YJU2B: variants seen among roughly 807,000 people sequenced by gnomAD.
The protein encoded by YJU2B is probable splicing factor YJU2B.
In YJU2B, 18 loss-of-function variants were observed where a neutral mutation model predicts 38.0. That is an observed-to-expected ratio of 0.47 (90% CI 0.33 to 0.70). The LOEUF (loss-of-function observed/expected upper bound fraction) is 0.70. Ranked by LOEUF, YJU2B falls within the 30% of genes least tolerant of loss-of-function variation. The pLI, the probability that YJU2B is intolerant of heterozygous loss-of-function variation, is 0.02. For synonymous variants in YJU2B, 246 were observed against 225.4 expected, an observed-to-expected ratio of 1.09 and a Z score of -0.82; for missense variants, 538 against 556.3, an observed-to-expected ratio of 0.97 and a Z score of 0.33.
intron 4 of YJU2B, 50 bp from the exon 5 acceptor site, chr19:13,757,368 G>A: frequency 6.5e-7 from 1 of 1,541,160 alleles, no homozygotes; most frequent in Non-Finnish European, 9.0e-7. Context: ...TGGAGACCCA[G>A]GGAGTGTCCA....
chr19:13,740,019 G>T (rs1973051853), intron 2 of YJU2B, among the ~76,000 whole-genome samples: 1 of 152,034 alleles, frequency 6.6e-6, no homozygotes, highest in Non-Finnish European at 1.5e-5. Context: ...TATGTTTACT[G>T]CATTACTATT....
chr19:13,748,918 A>C (rs1973350914), intron 1 of YJU2B, among the ~76,000 whole-genome samples: 2 of 152,200 alleles, frequency 1.3e-5, no homozygotes, highest in Non-Finnish European at 2.9e-5. Context: ...GTGAGGGTAG[A>C]ACAGTTTATA....
At position 13,758,899 on chromosome 19, in the gene YJU2B, T is replaced by A. The variant is rs115218936; in HGVS notation, c.289T>A (p.Tyr97Asn). 6.2e-7 allele frequency: 1 copy of A among 1,613,852 alleles called. No homozygotes were observed. Among genetic ancestry groups the A allele is most frequent in the South Asian group, 1.1e-5 (1 of 91,060 alleles). Residue 97 changes from tyrosine (Y) to asparagine (N), a missense_variant, in exon 7 of 10, where the codon TAC (tyrosine) becomes AAC (asparagine). This residue lies in a region of YJU2B where 488 missense variants were observed against 469.5 expected (regional missense o/e 1.04). Transcript: ENST00000221554. ...GATGAAATGCCACCTCTGTGTCAACTACATCGAGATGCAGACGGACCCCGC... is the reference window on the plus strand; with the variant it reads ...GATGAAATGCCACCTCTGTGTCAACAACATCGAGATGCAGACGGACCCCGC... Reference protein sequence around the residue: ...FRMKCHLCVNYIEMQTDPANC... With the variant: ...FRMKCHLCVNNIEMQTDPANC...
rs1054153456 is a variant in YJU2B at position 13,732,748 on chromosome 19, A to G, written c.-202+463A>G. Reference sequence around the variant, plus strand: ...CCTTAGCCTCCCAGTAGCTGGGACTACAGGCATGCACCACCACACTCAGCT... The same window carrying G: ...CCTTAGCCTCCCAGTAGCTGGGACTGCAGGCATGCACCACCACACTCAGCT... On this transcript the variant is annotated intron_variant, in intron 2 of 10. Coordinates refer to the YJU2B transcript ENST00000586600. The G allele has an allele frequency of 4.0e-5, 6 of 148,866 alleles. No individual in the cohort carries two copies. In the East Asian group the frequency reaches 1.2e-3, roughly 30 times the overall value. 9.2% of individuals were successfully genotyped at this position (148,866 alleles called of 1,614,324 possible). A position where few individuals can be genotyped will look rare whatever the true frequency, so the allele number is the denominator to read the frequency against.
intron 2 of YJU2B, among the ~76,000 whole-genome samples, chr19:13,736,994 T>G (rs963747156): frequency 7.3e-6 from 1 of 136,816 alleles, no homozygotes; most frequent in Non-Finnish European, 1.5e-5. Flanking sequence ...GCCACTGTGC[T>G]CCAGCCTGAG....
chr19:13,755,020 C>A (rs2145146561), intron 3 of YJU2B, among the ~76,000 whole-genome samples: 1 of 152,138 alleles, frequency 6.6e-6, no homozygotes. Context: ...AATGAGCTGA[C>A]CTCACAGAAT....
intron 8 of YJU2B, among the ~76,000 whole-genome samples, chr19:13,760,172 C>T (rs982319945): frequency 1.3e-5 from 2 of 151,958 alleles, no homozygotes; most frequent in African/African-American, 2.4e-5. Context: ...AGTGATCCAC[C>T]GTGGCCTACC....
intron 8 of YJU2B, chr19:13,761,715 T>TA (rs1325299862): frequency 1.4e-5 from 2 of 140,142 alleles, no homozygotes; most frequent in Admixed American, 7.4e-5. Context: ...ACCCCATCTC[T>TA]ACAAAAAAAA....
upstream of YJU2B, among the ~76,000 whole-genome samples, chr19:13,743,147 G>GTTTTTTTTTTTTTTTTT (rs1568279357): frequency 3.3e-5 from 5 of 152,038 alleles, no homozygotes; most frequent in African/African-American, 1.2e-4. Context: ...TGCAGGTGGG[G>GTTTTTTTTTTTTTTTTT]GTTTTTTAAG....
At chr19:13,745,428 C>T (rs953091997), upstream of YJU2B, among the ~76,000 whole-genome samples, 5 of 151,864 alleles carry the variant, frequency 3.3e-5, no homozygotes, top group Non-Finnish European at 5.9e-5. Context: ...TTTGGGAGGC[C>T]GAGGTGGGCA....
In YJU2B at chr19:13,760,596, T is replaced by A. The variant is rs534499546; in HGVS notation, c.573+1324T>A. Among the ~76,000 whole-genome samples, 6 of 151,282 alleles carry A rather than the reference T, an allele frequency of 4.0e-5. No homozygotes were observed. In the East Asian group the frequency reaches 1.2e-3, roughly 29 times the overall value. ...ACCTGGTTGCCTCCTTTTATTTATT[T>A]ATTTTTTTTCTTTTTGTGACTGGGT... On this transcript the variant is annotated intron_variant, in intron 8 of 9. Transcript: ENST00000221554.
Position 13,762,705 on chromosome 19 carries a change from A to ACAGAGCCG in YJU2B, c.833_840dup (p.Thr281AlafsTer131). 3 of 1,605,832 alleles carry ACAGAGCCG rather than the reference A, an allele frequency of 1.9e-6. No individual in the cohort carries two copies. The highest frequency in any genetic ancestry group is 1.6e-4 in the Middle Eastern group (1 of 6,062). On this transcript the variant is annotated frameshift_variant, in exon 10 of 10. Coordinates refer to ENST00000221554, the MANE Select transcript of YJU2B (RefSeq NM_030818.4). LOFTEE classifies it low-confidence loss of function (END_TRUNC). ...TCAGCGGCGTCCTGAAGAAGCTGGC[A>ACAGAGCCG]CAGAGCCGCAGAACCGCGCTTGCCA...
chr19:13,735,929 G>A (rs1386289677), intron 2 of YJU2B, among the ~76,000 whole-genome samples: 3 of 151,766 alleles, frequency 2.0e-5, no homozygotes, highest in Non-Finnish European at 4.4e-5. Flanking sequence ...GGGGGCACCT[G>A]TAGTCCCAGC....
At chr19:13,752,605 G>C (rs144937616) in intron 2 of YJU2B, among the ~76,000 whole-genome samples, 1 of 152,148 alleles carries the variant, frequency 6.6e-6, no homozygotes, top group East Asian at 1.9e-4. Context: ...TTAGCCAGGC[G>C]TGTTGGCGGG....
rs188943745 is a variant in YJU2B at position 13,760,071 on chromosome 19, C to T, written c.573+799C>T. On this transcript the variant is annotated intron_variant, in intron 8 of 9. Transcript: ENST00000221554. ...CCTCCTAAAGTGCTGGGATCACAGG[C>T]GTGAGCCACCGCACCTGGCCAATTT... Among the ~76,000 whole-genome samples, 525 of 152,126 alleles carry T rather than the reference C, an allele frequency of 3.5e-3. 7 individuals are homozygous for T. The highest frequency in any genetic ancestry group is 0.012 in the African/African-American group (506 of 41,520).
At chr19:13,742,419 C>T (rs1346853858) in intron 2 of YJU2B, among the ~76,000 whole-genome samples, 1 of 151,760 alleles carries the variant, frequency 6.6e-6, no homozygotes, top group East Asian at 1.9e-4. Context: ...TCTCCTGCCT[C>T]AGCCTCCCAA....
chr19:13,759,073 A>G lies in YJU2B; in HGVS notation c.401-27A>G, dbSNP rs367784673. The G allele has an allele frequency of 1.6e-4, 262 of 1,612,694 alleles. 1 individual carries two copies. In the African/African-American group the frequency reaches 3.2e-3, roughly 19 times the overall value. ...CCTGAGTCTGCGCTGGGGCCCCCAA[A>G]GCCCAGCCGAGCTCTGATCGTTGCA... On this transcript the variant is annotated intron_variant, in intron 7 of 9. Transcript: ENST00000221554.
At chr19:13,753,660 T>C (rs978064744) in intron 2 of YJU2B, among the ~76,000 whole-genome samples, 6 of 150,760 alleles carry the variant, frequency 4.0e-5, no homozygotes, top group African/African-American at 1.2e-4. Context: ...CAGTTCAGCA[T>C]GGCTGGGGAG....
intron 2 of YJU2B, among the ~76,000 whole-genome samples, chr19:13,735,791 G>A (rs1414127945): frequency 1.3e-5 from 2 of 151,964 alleles, no homozygotes; most frequent in Admixed American, 6.6e-5. Flanking sequence ...GGTGGCTCAC[G>A]CCTGTAATCC....
Sources: allele counts gnomAD v4.1 joint callset (sites outside exome capture counted in the v4.1 genomes callset), GRCh38; gene constraint gnomAD v4.1.1; regional missense constraint gnomAD v4.1.1; transcripts MANE v1.5; gene names NCBI Gene and HGNC (gene_info 2026-07-23, HGNC 2026-07-21).